COBLL1: variants seen among roughly 807,000 people sequenced by gnomAD.
The protein encoded by COBLL1 is cordon-bleu WH2 repeat protein like 1, also known as cordon-bleu protein-like 1.
COBLL1 carries 50 observed loss-of-function variants against 94.8 expected under a neutral mutation model. The observed-to-expected ratio is 0.53, with a 90% confidence interval of 0.42 to 0.67. COBLL1 has a LOEUF of 0.67. Ranked by LOEUF, COBLL1 falls within the 30% of genes least tolerant of loss-of-function variation. The pLI is 0.00. For missense variants in COBLL1, 1,362 were observed against 1,348.7 expected (o/e 1.01, Z -0.15); for synonymous variants, 448 against 473.8 (o/e 0.95, Z 0.71).
rs1216956491 is a variant in COBLL1, at chr2:164,728,005, C to T, written c.625G>A (p.Gly209Arg). Residue 209 changes from glycine (G) to arginine (R), a missense_variant, in exon 5 of 14, where the codon GGA becomes AGA. Physicochemically the swap from Gly to Arg is moderately radical, Grantham distance 125. Coordinates refer to ENST00000652658, the MANE Select transcript of COBLL1 (RefSeq NM_001365672.2). ...TCCATCGCATATAATTCTCTTAGTC[C>T]CAGGTCATTAAGAGATTTTGTCAAG... ...LDLTKSLNDLGLRELYAMDVN... is the reference protein window; with the variant it reads ...LDLTKSLNDLRLRELYAMDVN... 2.5e-6 allele frequency: 4 copies of T among 1,612,338 alleles called. No homozygotes were observed. Among genetic ancestry groups the T allele is most frequent in the Non-Finnish European group, 3.4e-6 (4 of 1,178,668 alleles).
intron 1 of COBLL1, among the ~76,000 whole-genome samples, chr2:164,672,560 G>A (rs575204274): frequency 2.0e-5 from 3 of 151,766 alleles, no homozygotes; most frequent in African/African-American, 4.8e-5. Context: ...TTAGCCGGGC[G>A]CGGTGGCGGG....
At chr2:164,819,887 G>A (rs1012289624) in intron 2 of COBLL1, among the ~76,000 whole-genome samples, 7 of 148,652 alleles carry the variant, frequency 4.7e-5, no homozygotes, top group Admixed American at 2.0e-4. Context: ...GTGCAATGGC[G>A]CCATCTTGGT....
chr2:164,838,030 G>C (rs1428669957), intron 2 of COBLL1, among the ~76,000 whole-genome samples: 1 of 152,048 alleles, frequency 6.6e-6, no homozygotes, highest in Non-Finnish European at 1.5e-5. Context: ...CAAAAGAAAG[G>C]GATCTAATCT....
intron 13 of COBLL1, among the ~76,000 whole-genome samples, chr2:164,689,594 T>A (rs1683485950): frequency 6.6e-6 from 1 of 152,168 alleles, no homozygotes; most frequent in Non-Finnish European, 1.5e-5. Flanking sequence ...TCACTAAATG[T>A]AAATACGCAG....
At chr2:164,671,687 T>C (rs1691243663) in intron 1 of COBLL1, among the ~76,000 whole-genome samples, 1 of 152,188 alleles carries the variant, frequency 6.6e-6, no homozygotes, top group Non-Finnish European at 1.5e-5. Context: ...TAAGGACATT[T>C]AGACAATGGA....
chr2:164,787,186 C>T (rs1360417009), intron 2 of COBLL1, among the ~76,000 whole-genome samples: 2 of 152,102 alleles, frequency 1.3e-5, no homozygotes, highest in African/African-American at 4.8e-5. Context: ...AATTTCAGTC[C>T]CCATATTGAT....
chr2:164,833,405 C>T lies in COBLL1; in HGVS notation c.41+7751G>A, dbSNP rs142515476. 3.7e-3 allele frequency among the ~76,000 whole-genome samples: 566 copies of T among 151,484 alleles called. 5 individuals are homozygous for T. Among genetic ancestry groups the T allele is most frequent in the African/African-American group, 0.013 (533 of 41,210 alleles). On this transcript the variant is annotated intron_variant, in intron 2 of 13. Coordinates refer to ENST00000652658, the MANE Select transcript of COBLL1 (RefSeq NM_001365672.2). ...GCTACAAATAGAACTAAGTGTTCAA[C>T]TTTCTATGAGTTGAGCTTAATAGGC...
chr2:164,750,780 G>A (rs1351571353), intron 2 of COBLL1, among the ~76,000 whole-genome samples: 1 of 152,138 alleles, frequency 6.6e-6, no homozygotes, highest in East Asian at 1.9e-4. Flanking sequence ...GGTTCTCAAA[G>A]TATGGTTTCA....
intron 7 of COBLL1, among the ~76,000 whole-genome samples, chr2:164,716,257 C>T (rs1685165936): frequency 6.6e-6 from 1 of 152,040 alleles, no homozygotes; most frequent in African/African-American, 2.4e-5. Context: ...ACAATCTTAT[C>T]GTAAATAACT....
At chr2:164,712,877 T>C (rs1377906523) in intron 7 of COBLL1, among the ~76,000 whole-genome samples, 1 of 152,116 alleles carries the variant, frequency 6.6e-6, no homozygotes. Flanking sequence ...AGTCGCCTCA[T>C]AGAAGTTTTG....
intron 1 of COBLL1, among the ~76,000 whole-genome samples, chr2:164,669,627 AC>A (rs1245313162): frequency 6.6e-6 from 1 of 152,206 alleles, no homozygotes; most frequent in East Asian, 1.9e-4. Flanking sequence ...TGCTGGATGT[AC>A]CCAATTGGGA....
At chr2:164,820,132 C>T (rs1685093398) in intron 2 of COBLL1, among the ~76,000 whole-genome samples, 1 of 151,540 alleles carries the variant, frequency 6.6e-6, no homozygotes, top group Admixed American at 6.6e-5. Context: ...CCGTGCCAGC[C>T]ACCACTGGGT....
intron 7 of COBLL1, among the ~76,000 whole-genome samples, chr2:164,708,674 C>T (rs554564151): frequency 6.6e-6 from 1 of 152,166 alleles, no homozygotes; most frequent in Non-Finnish European, 1.5e-5. Context: ...TTTTATTTCT[C>T]GGATTTACTT....
rs1016235404 is a variant in COBLL1, at chr2:164,694,571, G to C, written c.2821C>G (p.Gln941Glu). Residue 941 changes from glutamine (Q) to glutamate (E), a missense_variant, in exon 12 of 14, where the codon CAG becomes GAG. Coordinates refer to ENST00000652658, the MANE Select transcript of COBLL1 (RefSeq NM_001365672.2). Reference sequence around the variant, plus strand: ...GGAGGGGAGGCTTCAGCAGGAGCCTGACCGATGACATCATCATCAGTTTTT... The same window carrying C: ...GGAGGGGAGGCTTCAGCAGGAGCCTCACCGATGACATCATCATCAGTTTTT... ...VEKTDDDVIG[Q>E]APAEASPPPI... The C allele has an allele frequency of 1.2e-6, 2 of 1,613,790 alleles. No homozygotes were observed. Among genetic ancestry groups the C allele is most frequent in the Non-Finnish European group, 1.7e-6 (2 of 1,179,904 alleles).
chr2:164,827,158 A>G (rs1685475287), intron 2 of COBLL1, among the ~76,000 whole-genome samples: 1 of 152,068 alleles, frequency 6.6e-6, no homozygotes, highest in Non-Finnish European at 1.5e-5. Flanking sequence ...CATGCTGGCC[A>G]GGCTGGTCTC....
At chr2:164,674,912 C>A (rs1397163319) in intron 1 of COBLL1, among the ~76,000 whole-genome samples, 1 of 152,190 alleles carries the variant, frequency 6.6e-6, no homozygotes, top group East Asian at 1.9e-4. Context: ...CTGAATCATA[C>A]CCTTTTAAAT....
At chr2:164,742,872 C>G (rs116013661) in intron 3 of COBLL1, among the ~76,000 whole-genome samples, 1 of 151,404 alleles carries the variant, frequency 6.6e-6, no homozygotes, top group Non-Finnish European at 1.5e-5. Context: ...AGAGAGAGAG[C>G]GAGCGAGCGA....
chr2:164,709,670 T>C (rs113876406), intron 7 of COBLL1, among the ~76,000 whole-genome samples: 2,258 of 152,144 alleles, frequency 0.015, 50 homozygotes, highest in African/African-American at 0.051. Context: ...TAAGCCAAGA[T>C]TGCGCCACTG....
At chr2:164,832,202 C>CT (rs1683110990) in intron 2 of COBLL1, among the ~76,000 whole-genome samples, 1 of 152,188 alleles carries the variant, frequency 6.6e-6, no homozygotes, top group Admixed American at 6.5e-5. Context: ...CGATAAATGT[C>CT]TCACCTAGAT....
Sources: gnomAD v4.1 joint callset for allele counts (sites outside exome capture counted in the v4.1 genomes callset) on GRCh38, gnomAD v4.1.1 for gene constraint, MANE v1.5 for transcripts, NCBI Gene and HGNC (gene_info 2026-07-23, HGNC 2026-07-21) for gene names.